Variants in DIP2C observed in about 807,000 individuals in gnomAD.
DIP2C encodes the protein disco-interacting protein 2 homolog C.
Under a neutral mutation model 192.4 loss-of-function variants are expected in DIP2C, and 33 were observed. That is an observed-to-expected ratio of 0.17 (90% CI 0.13 to 0.23). The LOEUF is 0.23. DIP2C is among the 10% of genes least tolerant of loss of function. The pLI, the probability that DIP2C is intolerant of heterozygous loss-of-function variation, is 1.00. For missense variants in DIP2C, 1,537 were observed against 2,110.1 expected (o/e 0.73, Z 5.32); for synonymous variants, 979 against 864.1 (o/e 1.13, Z -2.33).
At chr10:429,937 A>G (rs1966840958) in intron 4 of DIP2C, among the ~76,000 whole-genome samples, 1 of 152,094 alleles carries the variant, frequency 6.6e-6, no homozygotes, top group African/African-American at 2.4e-5. Context: ...TAAAGAGTAT[A>G]TTTAGTTTTG....
intron 1 of DIP2C, among the ~76,000 whole-genome samples, chr10:643,167 A>C (rs1461025443): frequency 7.3e-5 from 11 of 149,728 alleles, no homozygotes; most frequent in Non-Finnish European, 7.4e-5. Flanking sequence ...GCAGTGACCC[A>C]AGATCGCGCC....
intron 1 of DIP2C, among the ~76,000 whole-genome samples, chr10:677,006 A>G (rs1234266578): frequency 1.3e-5 from 2 of 152,210 alleles, no homozygotes; most frequent in Non-Finnish European, 2.9e-5. Context: ...CTGACTTGCT[A>G]ATTACACATG....
At chr10:581,278 G>C (rs1850639612) in intron 1 of DIP2C, among the ~76,000 whole-genome samples, 1 of 152,188 alleles carries the variant, frequency 6.6e-6, no homozygotes, top group African/African-American at 2.4e-5. Context: ...TGTCTAAAAA[G>C]TTAATACATC....
At chr10:300,268 G>A (rs1955960627) in intron 32 of DIP2C, among the ~76,000 whole-genome samples, 1 of 152,208 alleles carries the variant, frequency 6.6e-6, no homozygotes, top group African/African-American at 2.4e-5. Flanking sequence ...GACAATGGAT[G>A]AGCCAAGTGT....
intron 1 of DIP2C, among the ~76,000 whole-genome samples, chr10:656,653 T>C (rs1256604327): frequency 1.3e-5 from 2 of 152,150 alleles, no homozygotes; most frequent in Non-Finnish European, 1.5e-5. Context: ...AGTGAAAAGA[T>C]GAGTGAGGTC....
chr10:453,768 C>T (rs761926950), intron 3 of DIP2C, among the ~76,000 whole-genome samples: 2 of 152,226 alleles, frequency 1.3e-5, no homozygotes, highest in Non-Finnish European at 2.9e-5. Flanking sequence ...AGGGCAAACA[C>T]AGCACAGGGG....
intron 1 of DIP2C, among the ~76,000 whole-genome samples, chr10:674,411 A>G (rs1433162415): frequency 6.6e-6 from 1 of 152,340 alleles, no homozygotes; most frequent in East Asian, 1.9e-4. Flanking sequence ...AGAGGACATA[A>G]CAATTACAAA....
At chr10:408,722 T>TAC (rs1273851557) in intron 9 of DIP2C, among the ~76,000 whole-genome samples, 1 of 152,222 alleles carries the variant, frequency 6.6e-6, no homozygotes, top group Non-Finnish European at 1.5e-5. Context: ...ACAAGACCAT[T>TAC]ACCTGCTCAG....
chr10:617,603 C>T (rs1032425640), intron 1 of DIP2C, among the ~76,000 whole-genome samples: 1 of 152,250 alleles, frequency 6.6e-6, no homozygotes, highest in East Asian at 1.9e-4. Context: ...TGACCTGCCA[C>T]GTAGCGGCCA....
At chr10:437,395 G>A (rs141154057) in intron 4 of DIP2C, among the ~76,000 whole-genome samples, 282 of 152,064 alleles carry the variant, frequency 1.9e-3, no homozygotes, top group African/African-American at 6.0e-3. Context: ...GAATGTGGTA[G>A]GGTGATATGC....
At position 617,592 on chromosome 10, in the gene DIP2C, G is replaced by A. The variant is rs117795990; in HGVS notation, c.85+71902C>T. ...CACCCACCTCCCATTGCTCCACGCA[G>A]TGACCTGCCACGTAGCGGCCACCAG... On this transcript the variant is annotated intron_variant, in intron 1 of 36. Coordinates refer to ENST00000280886, the MANE Select transcript of DIP2C (RefSeq NM_014974.3). Among the ~76,000 whole-genome samples the A allele has an allele frequency of 2.7e-3, 413 of 152,188 alleles. 17 individuals are homozygous for A. The East Asian group carries it at 0.064, about 24-fold the overall frequency.
intron 1 of DIP2C, among the ~76,000 whole-genome samples, chr10:617,953 G>C (rs566892987): frequency 6.6e-6 from 1 of 152,126 alleles, no homozygotes. Flanking sequence ...TGACAATTTA[G>C]GAATCCTGCT....
rs534429790 is a variant in DIP2C, at chr10:624,525, G to C, written c.85+64969C>G. Among the ~76,000 whole-genome samples the C allele has an allele frequency of 2.0e-5, 3 of 152,186 alleles. 1 individual carries two copies. Among genetic ancestry groups the C allele is most frequent in the South Asian group, 4.1e-4 (2 of 4,832 alleles). On this transcript the variant is annotated intron_variant, in intron 1 of 36. Coordinates refer to ENST00000280886, the MANE Select transcript of DIP2C (RefSeq NM_014974.3). ...CTTTAAGTGCCTTTCTAGGGTGTAC[G>C]AACACAAAGTGGGGCCTTGAGTGGC... is the stretch of plus-strand genomic sequence containing the variant.
intron 1 of DIP2C, among the ~76,000 whole-genome samples, chr10:616,561 T>G: frequency 6.6e-6 from 1 of 152,188 alleles, no homozygotes; most frequent in East Asian, 1.9e-4. Context: ...GAATCAAGTC[T>G]GAGCCCCAAC....
chr10:521,534 T>C (rs1412971613), intron 1 of DIP2C, among the ~76,000 whole-genome samples: 3 of 152,210 alleles, frequency 2.0e-5, no homozygotes, highest in Non-Finnish European at 2.9e-5. Context: ...GGTGAGACCA[T>C]GAGCATCACT....
intron 35 of DIP2C, among the ~76,000 whole-genome samples, chr10:281,661 G>A (rs763999693): frequency 5.3e-5 from 8 of 152,204 alleles, no homozygotes; most frequent in South Asian, 4.1e-4. Flanking sequence ...GGCACCCAGC[G>A]GTCTGAGTTC....
intron 17 of DIP2C, among the ~76,000 whole-genome samples, chr10:378,679 G>A (rs892986773): frequency 1.3e-5 from 2 of 150,530 alleles, no homozygotes; most frequent in Admixed American, 6.6e-5. Flanking sequence ...AGGCACACAT[G>A]AACAGACATG....
rs1010971122 is a variant in DIP2C, at chr10:364,701, C to A, written c.2269-119G>T. On this transcript the variant is annotated intron_variant, in intron 19 of 36. Transcript: ENST00000280886. Reference sequence around the variant, plus strand: ...TAAGCTCTGCCTTTCACCCCAGCAACCCTGCCCTAGGGCCGAGGTCACAGT... The same window carrying A: ...TAAGCTCTGCCTTTCACCCCAGCAAACCTGCCCTAGGGCCGAGGTCACAGT... 9 of 1,169,772 alleles carry A rather than the reference C, an allele frequency of 7.7e-6. No individual in the cohort carries two copies. In the African/African-American group the frequency reaches 1.2e-4, roughly 16 times the overall value. 72.5% of individuals were successfully genotyped at this position (1,169,772 alleles called of 1,614,324 possible). A position where few individuals can be genotyped will look rare whatever the true frequency, so the allele number is the denominator to read the frequency against.
chr10:544,347 A>G (rs1163848824), intron 1 of DIP2C, among the ~76,000 whole-genome samples: 4 of 152,226 alleles, frequency 2.6e-5, no homozygotes, highest in Non-Finnish European at 4.4e-5. Context: ...CTGTTGACAG[A>G]CATCTGGGCT....
Sources: allele counts gnomAD v4.1 joint callset (sites outside exome capture counted in the v4.1 genomes callset), GRCh38; gene constraint gnomAD v4.1.1; transcripts MANE v1.5; gene names NCBI Gene and HGNC (gene_info 2026-07-23, HGNC 2026-07-21).